RALGDS: variants seen among roughly 807,000 people sequenced by gnomAD.
RALGDS encodes the protein ral guanine nucleotide exchange factor.
In RALGDS, 44 loss-of-function variants were observed where a neutral mutation model predicts 99.8. That is an observed-to-expected ratio of 0.44 (90% CI 0.35 to 0.57). RALGDS has a LOEUF of 0.57. Among genes scored for constraint, RALGDS ranks in the 20% least tolerant of loss-of-function variants. RALGDS has a pLI of 0.01. For missense variants in RALGDS, 1,022 were observed against 1,203.1 expected, an observed-to-expected ratio of 0.85 and a Z score of 2.23; for synonymous variants, 529 against 505.0, an observed-to-expected ratio of 1.05 and a Z score of -0.64.
At chr9:133,135,574 C>CT (rs1832412493), upstream of RALGDS, among the ~76,000 whole-genome samples, 2 of 152,076 alleles carry the variant, frequency 1.3e-5, no homozygotes, top group African/African-American at 4.8e-5. Flanking sequence ...CCAGGAGGAA[C>CT]CCAACGTCTA....
At chr9:133,108,511 A>G in intron 5 of RALGDS, 105 bp from the exon 6 acceptor site, 3 of 1,427,894 alleles carry the variant, frequency 2.1e-6, no homozygotes, top group Non-Finnish European at 2.9e-6. Context: ...CGAACCCACA[A>G]AACGTGTACC....
intron 1 of RALGDS, among the ~76,000 whole-genome samples, chr9:133,147,996 C>CA (rs996349989): frequency 1.3e-5 from 2 of 152,206 alleles, no homozygotes; most frequent in Non-Finnish European, 2.9e-5. Flanking sequence ...TCTTGTCCCA[C>CA]AAGAGTTGTC....
At position 133,121,069 on chromosome 9, in the gene RALGDS, A is replaced by G; in HGVS notation, c.86T>C (p.Val29Ala). 1 of 1,485,926 alleles carries G rather than the reference A, an allele frequency of 6.7e-7. No homozygotes were observed. Among genetic ancestry groups the G allele is most frequent in the East Asian group, 2.8e-5 (1 of 35,110 alleles). 92.0% of individuals were successfully genotyped at this position (1,485,926 alleles called of 1,614,324 possible). A position where few individuals can be genotyped will look rare whatever the true frequency, so the allele number is the denominator to read the frequency against. ...LFPGSRRSRS[V>A]WDAVRLEVGV... is the part of the protein sequence containing the mutation. ...CACCTCCAGGCGCACGGCGTCCCAC[A>G]CGCTGCGGCTCCGCCGGGAGCCCGG... Residue 29 changes from valine to alanine, a missense_variant, in exon 1 of 18, where the codon GTG (valine) becomes GCG (alanine). Coordinates refer to ENST00000372050, the MANE Select transcript of RALGDS (RefSeq NM_006266.4).
At position 133,102,557 on chromosome 9, in the gene RALGDS, C is replaced by T. The variant is rs1473500866; in HGVS notation, c.1928G>A (p.Cys643Tyr). 3 of 1,614,050 alleles carry T rather than the reference C, an allele frequency of 1.9e-6. No individual in the cohort carries two copies. In the South Asian group the frequency reaches 3.3e-5, roughly 18 times the overall value. ...LSETESYNLS[C>Y]ELEPPSESAS... ...TGACTCGGATGGGGGCTCCAGCTCG[C>T]ACGACAGGTTGTAGCTATGAGCAGA... is the stretch of plus-strand genomic sequence containing the variant. Residue 643 changes from cysteine to tyrosine, a missense_variant, in exon 14 of 18, where the codon TGC (cysteine) becomes TAC (tyrosine). Around this residue, in one of 3 missense-constraint regions of RALGDS, gnomAD observed 825 missense variants for 994.5 expected, o/e 0.83. Transcript: ENST00000372050.
At chr9:133,149,022 C>G in exon 1 of RALGDS, 4 of 1,528,690 alleles carry the variant, frequency 2.6e-6, no homozygotes, top group Non-Finnish European at 3.5e-6. Context: ...GGGCGGGACC[C>G]GGGGCTCGCA....
intron 1 of RALGDS, among the ~76,000 whole-genome samples, chr9:133,130,064 C>G (rs1039646842): frequency 6.6e-6 from 1 of 152,072 alleles, no homozygotes; most frequent in Non-Finnish European, 1.5e-5. Flanking sequence ...CTCTGCCTCC[C>G]GGGTTCAAGC....
At chr9:133,114,067 G>A (rs895522842) in intron 1 of RALGDS, among the ~76,000 whole-genome samples, 4 of 152,198 alleles carry the variant, frequency 2.6e-5, no homozygotes, top group African/African-American at 9.7e-5. Flanking sequence ...CGGCTCCTCC[G>A]TGAGCTGGCA....
chr9:133,100,127 G>A (rs1216233438), intron 17 of RALGDS, 141 bp downstream of exon 17: 5 of 802,406 alleles, frequency 6.2e-6, no homozygotes, highest in Non-Finnish European at 1.1e-5. Flanking sequence ...GCAGACAATG[G>A]GGGCAGCCAG....
chr9:133,108,038 A>G lies in RALGDS; in HGVS notation c.1147T>C (p.Leu383=). The G allele has an allele frequency of 6.2e-7, 1 of 1,613,564 alleles. No individual in the cohort carries two copies. The highest frequency in any genetic ancestry group is 1.1e-5 in the South Asian group (1 of 91,090). ...NGLSEEKPHL[L]VFPPDLVAEQ... ...GCCACCAGATCTGGAGGGAACACCA[A>G]GAGGTGAGGCTTCTCCTCACTCAGC... Residue 383 remains leucine, a synonymous_variant, in exon 6 of 18, where the codon TTG becomes CTG. Transcript: ENST00000372050.
At chr9:133,099,044 C>T (rs1785044410) in intron 17 of RALGDS, 6 of 433,130 alleles carry the variant, frequency 1.4e-5, no homozygotes, top group South Asian at 1.1e-4. Flanking sequence ...CCTGCCCATA[C>T]TGCAGTGCTG....
In RALGDS at chr9:133,098,336, T is replaced by A; in HGVS notation, c.*251A>T. The A allele has an allele frequency of 1.8e-6, 1 of 547,658 alleles. No individual in the cohort carries two copies. The highest frequency in any genetic ancestry group is 3.3e-6 in the Non-Finnish European group (1 of 302,508). The allele number at this position is 547,658 out of a possible 1,614,324, so 33.9% of individuals were successfully genotyped here. A position where few individuals can be genotyped will look rare whatever the true frequency, so the allele number is the denominator to read the frequency against. On this transcript the variant is annotated 3_prime_UTR_variant, in exon 18 of 18. Transcript: ENST00000372050. ...ACCATGCCATGCCCGTTGGCACTGC[T>A]CCTTGGCAAAAGTCAGCTAGTCCTC...
intron 8 of RALGDS, 119 bp downstream of exon 8, chr9:133,106,526 G>A: frequency 1.3e-6 from 1 of 743,824 alleles, no homozygotes; most frequent in Non-Finnish European, 2.3e-6. Flanking sequence ...TGCCAACTCA[G>A]GTCAGTGAAG....
upstream of RALGDS, among the ~76,000 whole-genome samples, chr9:133,124,005 G>C (rs1436436432): frequency 7.3e-5 from 8 of 110,286 alleles, 1 homozygote; most frequent in Non-Finnish European, 7.6e-5. Flanking sequence ...CACACACACA[G>C]AGACACAAAG....
In RALGDS at chr9:133,098,673, T is replaced by C. The variant is rs776167423; in HGVS notation, c.2659A>G (p.Lys887Glu). Residue 887 changes from lysine to glutamate, a missense_variant, in exon 18 of 18, where the codon AAG (lysine) becomes GAG (glutamate). Physicochemically the swap from Lys to Glu is moderately conservative, Grantham distance 56. Around this residue, in one of 3 missense-constraint regions of RALGDS, gnomAD observed 825 missense variants for 994.5 expected, o/e 0.83. Transcript: ENST00000372050. ...DFVLKKRTFT[K>E]GVKVKHGASS... ...GCTCCGTGCTTGACCTTCACTCCCT[T>C]GGTGAAGGTCCGCTTCTTGAGGACA... 18 of 1,613,648 alleles carry C rather than the reference T, an allele frequency of 1.1e-5. No individual in the cohort carries two copies. The highest frequency in any genetic ancestry group is 1.4e-5 in the Non-Finnish European group (16 of 1,179,690).
chr9:133,106,463 G>T (rs920488567), intron 8 of RALGDS, among the ~76,000 whole-genome samples, 182 bp downstream of exon 8: 1 of 152,170 alleles, frequency 6.6e-6, no homozygotes, highest in Non-Finnish European at 1.5e-5. Context: ...TCTCTGATGT[G>T]GCTCAACCCA....
At chr9:133,106,374 G>A (rs146346950) in intron 8 of RALGDS, among the ~76,000 whole-genome samples, 94 of 152,312 alleles carry the variant, frequency 6.2e-4, no homozygotes, top group African/African-American at 2.1e-3. Context: ...GATTACAGGC[G>A]TTAGCCATTG....
chr9:133,122,995 G>A (rs949353372), upstream of RALGDS, among the ~76,000 whole-genome samples: 2 of 151,970 alleles, frequency 1.3e-5, no homozygotes, highest in African/African-American at 2.4e-5. Flanking sequence ...GGAGCACTAC[G>A]CCCAGCCTGT....
chr9:133,102,173 C>G, intron 14 of RALGDS, 34 bp from the exon 15 acceptor site: 1 of 1,546,098 alleles, frequency 6.5e-7, no homozygotes, highest in Non-Finnish European at 8.8e-7. Context: ...AAGGGGGCTC[C>G]CCAAGGACAC....
chr9:133,128,630 C>A (rs577240664), intron 1 of RALGDS, among the ~76,000 whole-genome samples: 59 of 152,214 alleles, frequency 3.9e-4, no homozygotes, highest in Non-Finnish European at 7.5e-4. Context: ...GCCATTCTTT[C>A]CTGTGGGTTT....
Sources: allele counts gnomAD v4.1 joint callset (sites outside exome capture counted in the v4.1 genomes callset), GRCh38; gene constraint gnomAD v4.1.1; regional missense constraint gnomAD v4.1.1; transcripts MANE v1.5; gene names NCBI Gene and HGNC (gene_info 2026-07-23, HGNC 2026-07-21).